The following PRDM2 variants were observed in gnomAD, a reference collection of about 807,000 sequenced individuals.
PRDM2 encodes the protein PR/SET domain 2.
PRDM2 carries 30 observed loss-of-function variants against 130.0 expected under a neutral mutation model. The ratio of observed to expected loss-of-function variants is 0.23; its 90% CI spans 0.17 to 0.31. The LOEUF is 0.31. Among genes scored for constraint, PRDM2 ranks in the 10% least tolerant of loss-of-function variants. The pLI is 1.00. For synonymous variants in PRDM2, 871 were observed against 782.4 expected, an observed-to-expected ratio of 1.11 and a Z score of -1.89; for missense variants, 2,011 against 2,108.4, an observed-to-expected ratio of 0.95 and a Z score of 0.90.
chr1:13,760,137 A>C (rs777600223), intron 6 of PRDM2, among the ~76,000 whole-genome samples: 1 of 152,212 alleles, frequency 6.6e-6, no homozygotes, highest in Non-Finnish European at 1.5e-5. Context: ...TTGGGGTTGT[A>C]GTAGAGTGCA....
chr1:13,727,672 T>A (rs991563324), intron 2 of PRDM2, among the ~76,000 whole-genome samples: 1 of 152,240 alleles, frequency 6.6e-6, no homozygotes, highest in Admixed American at 6.5e-5. Flanking sequence ...TCTCTATTTC[T>A]TACCAGAGTG....
chr1:13,758,630 A>C (rs950028170), intron 6 of PRDM2, among the ~76,000 whole-genome samples: 2 of 152,106 alleles, frequency 1.3e-5, no homozygotes, highest in Non-Finnish European at 2.9e-5. Flanking sequence ...AAAAGGTTAA[A>C]ACTTGGTGCG....
In PRDM2 at chr1:13,805,037, C is replaced by T. The variant is rs954244003; in HGVS notation, c.5037-11390C>T. ...CTGCTTCTCTACTTGGCCGAGGGAA[C>T]TTGAGTGTCCAGCTTCTTTATTTCT... On this transcript the variant is annotated intron_variant, in intron 8 of 9. Coordinates refer to ENST00000311066, the MANE Select transcript of PRDM2 (RefSeq NM_001393986.1). Among the ~76,000 whole-genome samples, 41 of 152,266 alleles carry T rather than the reference C, an allele frequency of 2.7e-4. 1 individual carries two copies. Among genetic ancestry groups the T allele is most frequent in the African/African-American group, 9.6e-4 (40 of 41,530 alleles).
At chr1:13,734,322 C>G (rs1266126692) in intron 4 of PRDM2, among the ~76,000 whole-genome samples, 1 of 152,070 alleles carries the variant, frequency 6.6e-6, no homozygotes, top group Non-Finnish European at 1.5e-5. Context: ...TAGATGTTTC[C>G]CAAGGGAAAC....
chr1:13,816,734 G>A (rs1209121235), intron 9 of PRDM2, among the ~76,000 whole-genome samples, 164 bp downstream of exon 9: 1 of 152,170 alleles, frequency 6.6e-6, no homozygotes, highest in Non-Finnish European at 1.5e-5. Context: ...TTAGCTGAGT[G>A]CAGACTCCGG....
chr1:13,819,812 G>A (rs113158938), intron 9 of PRDM2, among the ~76,000 whole-genome samples: 1 of 152,148 alleles, frequency 6.6e-6, no homozygotes, highest in Non-Finnish European at 1.5e-5. Context: ...GCTCTCTGGT[G>A]TCTCTTCTTA....
intron 8 of PRDM2, among the ~76,000 whole-genome samples, chr1:13,807,470 A>G (rs1350763408): frequency 6.6e-6 from 1 of 152,216 alleles, no homozygotes; most frequent in Non-Finnish European, 1.5e-5. Flanking sequence ...GGGGATAAGC[A>G]CAACTCAGAA....
chr1:13,777,730 C>T (rs1024430052), intron 7 of PRDM2, among the ~76,000 whole-genome samples: 1 of 144,802 alleles, frequency 6.9e-6, no homozygotes, highest in African/African-American at 2.6e-5. Context: ...CTTCTACCAC[C>T]CACCTCAGGT....
chr1:13,708,453 A>C lies in PRDM2; in HGVS notation c.-65-7088A>C, dbSNP rs188128819. ...GCTCTGCAGCTCCAAAGCCACTGAG[A>C]ACAGCAGACCCTTGGTTTTTCTAAT... is the stretch of plus-strand genomic sequence containing the variant. On this transcript the variant is annotated intron_variant, in intron 1 of 9. Coordinates refer to ENST00000311066, the MANE Select transcript of PRDM2 (RefSeq NM_001393986.1). 3.9e-5 allele frequency among the ~76,000 whole-genome samples: 6 copies of C among 152,296 alleles called. No individual in the cohort carries two copies. In the East Asian group the frequency reaches 9.6e-4, roughly 24 times the overall value.
At chr1:13,790,793 C>G (rs1239903211) in intron 8 of PRDM2, among the ~76,000 whole-genome samples, 6 of 152,146 alleles carry the variant, frequency 3.9e-5, no homozygotes, top group African/African-American at 1.4e-4. Flanking sequence ...AGGCCCGATC[C>G]TTGCTGCCAC....
intron 8 of PRDM2, among the ~76,000 whole-genome samples, chr1:13,800,674 T>C (rs952504043): frequency 6.6e-6 from 1 of 152,156 alleles, no homozygotes; most frequent in African/African-American, 2.4e-5. Flanking sequence ...TTTTTCTCCA[T>C]CAAAAAGGTT....
chr1:13,808,627 C>A (rs1305032906), intron 8 of PRDM2, among the ~76,000 whole-genome samples: 1 of 152,138 alleles, frequency 6.6e-6, no homozygotes, highest in Non-Finnish European at 1.5e-5. Flanking sequence ...GAACAGATTT[C>A]TTGGTGTCTG....
At chr1:13,773,047 A>C (rs371004941) in intron 6 of PRDM2, 31 bp from the exon 7 acceptor site, 23 of 1,238,262 alleles carry the variant, frequency 1.9e-5, no homozygotes, top group Non-Finnish European at 2.5e-5. Flanking sequence ...AAAAAAAATG[A>C]ATGAATAAAT....
chr1:13,796,872 A>T (rs2100720842), intron 8 of PRDM2, among the ~76,000 whole-genome samples: 1 of 152,326 alleles, frequency 6.6e-6, no homozygotes, highest in East Asian at 1.9e-4. Context: ...CGTATAATGG[A>T]CTGCTTTTTT....
intron 8 of PRDM2, among the ~76,000 whole-genome samples, chr1:13,813,213 C>T (rs1160436095): frequency 2.0e-5 from 3 of 152,216 alleles, no homozygotes; most frequent in Admixed American, 1.3e-4. Flanking sequence ...ACCTGGAACT[C>T]AGACAGGTCC....
At chr1:13,770,968 TCTCAGTAATCTAATACGG>T (rs1398537271) in intron 6 of PRDM2, among the ~76,000 whole-genome samples, 1 of 152,194 alleles carries the variant, frequency 6.6e-6, no homozygotes, top group African/African-American at 2.4e-5. Context: ...TTTTGTTTGC[TCTCAGTAATCTAATACGG>T]GCTGAGCATC....
chr1:13,744,848 C>T (rs1442959606), intron 5 of PRDM2, among the ~76,000 whole-genome samples: 1 of 152,140 alleles, frequency 6.6e-6, no homozygotes, highest in Non-Finnish European at 1.5e-5. Flanking sequence ...TTATCTAACT[C>T]TATTCTTCTA....
intron 5 of PRDM2, among the ~76,000 whole-genome samples, chr1:13,748,566 A>G (rs1232424141): frequency 6.6e-6 from 1 of 152,198 alleles, no homozygotes; most frequent in Non-Finnish European, 1.5e-5. Flanking sequence ...GAGAGAAACC[A>G]ATAGGCTGTT....
chr1:13,726,290 C>G (rs1042697048), intron 2 of PRDM2, among the ~76,000 whole-genome samples: 8 of 152,278 alleles, frequency 5.3e-5, no homozygotes, highest in Admixed American at 5.2e-4. Flanking sequence ...AGCTCCTCAC[C>G]CCGTCCAGCA....
Sources: allele counts gnomAD v4.1 joint callset (sites outside exome capture counted in the v4.1 genomes callset), GRCh38; gene constraint gnomAD v4.1.1; transcripts MANE v1.5; gene names NCBI Gene and HGNC (gene_info 2026-07-23, HGNC 2026-07-21).